Variants in ATP8A2 observed in about 807,000 individuals in gnomAD.
The protein encoded by ATP8A2 is ATPase phospholipid transporting 8A2.
A neutral mutation model predicts 165.6 loss-of-function variants in ATP8A2; 100 were observed. The ratio of observed to expected loss-of-function variants is 0.60; its 90% confidence interval spans 0.51 to 0.71. The LOEUF is 0.71. Among genes scored for constraint, ATP8A2 ranks in the 30% least tolerant of loss-of-function variants. The pLI, the probability that ATP8A2 is intolerant of heterozygous loss-of-function variation, is 0.00. For synonymous variants in ATP8A2, 543 were observed against 548.8 expected (o/e 0.99, Z 0.15); for missense variants, 1,227 against 1,479.5 (o/e 0.83, Z 2.80).
In ATP8A2 at chr13:25,551,568, C is replaced by G. The variant is rs1040870051; in HGVS notation, c.1057+65C>G. The G allele has an allele frequency of 6.6e-6, 10 of 1,508,874 alleles. No homozygotes were observed. In the Admixed American group the frequency reaches 1.8e-4, roughly 27 times the overall value. 93.5% of individuals were successfully genotyped at this position (1,508,874 alleles called of 1,614,324 possible). ...ACCATTTTTGAGATGTTCTTGCAGCCATGGTTGAAGTGTGGTGTCCCTGCT... is the reference window on the plus strand; with the variant it reads ...ACCATTTTTGAGATGTTCTTGCAGCGATGGTTGAAGTGTGGTGTCCCTGCT... On this transcript the variant is annotated intron_variant, in intron 11 of 36. Coordinates refer to ENST00000381655, the MANE Select transcript of ATP8A2 (RefSeq NM_016529.6).
intron 26 of ATP8A2, among the ~76,000 whole-genome samples, chr13:25,771,204 G>A (rs773263342): frequency 2.6e-5 from 4 of 152,212 alleles, no homozygotes; most frequent in Non-Finnish European, 4.4e-5. Context: ...GGGTTCCTTC[G>A]TATCAGGTGA....
chr13:25,910,660 C>G (rs754341825), intron 33 of ATP8A2, among the ~76,000 whole-genome samples: 1 of 152,114 alleles, frequency 6.6e-6, no homozygotes. Flanking sequence ...CTACTAGAAC[C>G]TGATGAAAGT....
chr13:25,694,413 C>A (rs1593207710), intron 24 of ATP8A2, among the ~76,000 whole-genome samples: 1 of 152,204 alleles, frequency 6.6e-6, no homozygotes, highest in East Asian at 1.9e-4. Flanking sequence ...TACCTTGTCT[C>A]ATCTCTTTGG....
chr13:25,608,671 G>C (rs1160201452), intron 24 of ATP8A2, among the ~76,000 whole-genome samples: 3 of 152,200 alleles, frequency 2.0e-5, no homozygotes, highest in Non-Finnish European at 2.9e-5. Flanking sequence ...AGCAGCTGCA[G>C]ATGACACATA....
At chr13:25,983,448 TA>T (rs949819351) in intron 35 of ATP8A2, among the ~76,000 whole-genome samples, 15 of 151,638 alleles carry the variant, frequency 9.9e-5, no homozygotes, top group South Asian at 8.3e-4. Context: ...TTCTAATCCT[TA>T]AAAAAAAATT....
intron 24 of ATP8A2, among the ~76,000 whole-genome samples, chr13:25,617,720 A>T (rs1348323905): frequency 7.2e-5 from 11 of 152,104 alleles, no homozygotes. Flanking sequence ...AATTATGTAG[A>T]TTTAAATTGT....
chr13:25,736,429 A>G (rs577784680), intron 25 of ATP8A2, among the ~76,000 whole-genome samples: 36 of 152,212 alleles, frequency 2.4e-4, no homozygotes, highest in Non-Finnish European at 4.6e-4. Context: ...TGAACGCGAC[A>G]TGAGGTTGAA....
At chr13:25,617,714 A>G (rs145718618) in intron 24 of ATP8A2, among the ~76,000 whole-genome samples, 2 of 152,254 alleles carry the variant, frequency 1.3e-5, no homozygotes, top group South Asian at 2.1e-4. Flanking sequence ...TTACTGAATT[A>G]TGTAGATTTA....
intron 2 of ATP8A2, among the ~76,000 whole-genome samples, chr13:25,477,271 C>T (rs2036021438): frequency 6.6e-6 from 1 of 152,126 alleles, no homozygotes; most frequent in African/African-American, 2.4e-5. Flanking sequence ...AATTTATTTC[C>T]CCTCTCTCCT....
intron 24 of ATP8A2, among the ~76,000 whole-genome samples, chr13:25,620,942 C>T (rs1370014582): frequency 4.6e-5 from 7 of 152,116 alleles, no homozygotes; most frequent in African/African-American, 1.7e-4. Context: ...AGAAAAACCT[C>T]AACAGATCTG....
intron 24 of ATP8A2, among the ~76,000 whole-genome samples, chr13:25,672,911 C>G (rs903264539): frequency 9.2e-5 from 14 of 152,110 alleles, no homozygotes; most frequent in African/African-American, 3.4e-4. Context: ...AGTGGGCAGG[C>G]TTTGGTGGTT....
intron 33 of ATP8A2, among the ~76,000 whole-genome samples, chr13:25,958,492 T>C (rs1322019429): frequency 1.3e-5 from 2 of 152,136 alleles, no homozygotes; most frequent in African/African-American, 4.8e-5. Flanking sequence ...GCTCATTGGC[T>C]TTACAGTCAG....
chr13:25,974,624 CT>C (rs769818703), intron 35 of ATP8A2, among the ~76,000 whole-genome samples: 3 of 152,114 alleles, frequency 2.0e-5, no homozygotes, highest in Non-Finnish European at 2.9e-5. Flanking sequence ...CAGCTTACCC[CT>C]GTCCATCTGA....
chr13:25,973,734 C>G (rs906444205), intron 35 of ATP8A2, among the ~76,000 whole-genome samples: 2 of 152,172 alleles, frequency 1.3e-5, no homozygotes, highest in Non-Finnish European at 2.9e-5. Context: ...AAATCAGTCC[C>G]ACTGCCAGGC....
At chr13:25,860,739 C>T in intron 31 of ATP8A2, 65 bp from the exon 32 acceptor site, 1 of 1,316,788 alleles carries the variant, frequency 7.6e-7, no homozygotes. Context: ...GATGGGATTT[C>T]TCATGGAAAG....
chr13:26,010,055 ACT>A (rs1420820939), intron 35 of ATP8A2, among the ~76,000 whole-genome samples: 1 of 152,074 alleles, frequency 6.6e-6, no homozygotes, highest in African/African-American at 2.4e-5. Flanking sequence ...AACAAGCAAG[ACT>A]CTGTCTCAAA....
intron 1 of ATP8A2, among the ~76,000 whole-genome samples, chr13:25,414,632 T>A (rs1197972790): frequency 6.6e-6 from 1 of 152,272 alleles, no homozygotes; most frequent in Non-Finnish European, 1.5e-5. Context: ...GGATGTACTT[T>A]ACGTGTATGT....
chr13:25,646,899 T>C (rs527577396), intron 24 of ATP8A2, among the ~76,000 whole-genome samples: 4 of 152,278 alleles, frequency 2.6e-5, no homozygotes, highest in East Asian at 1.9e-4. Context: ...TTGTCTACTA[T>C]AGATTTTTGC....
At chr13:25,648,667 CCAAAA>C (rs1038308045) in intron 24 of ATP8A2, among the ~76,000 whole-genome samples, 21 of 151,980 alleles carry the variant, frequency 1.4e-4, no homozygotes, top group Non-Finnish European at 2.5e-4. Context: ...CATCTCAAAA[CCAAAA>C]CAAAACAAAA....
Sources: allele counts gnomAD v4.1 joint callset (sites outside exome capture counted in the v4.1 genomes callset), GRCh38; gene constraint gnomAD v4.1.1; transcripts MANE v1.5; gene names NCBI Gene and HGNC (gene_info 2026-07-23, HGNC 2026-07-21).